ADAMTS17: variants seen among roughly 807,000 people sequenced by gnomAD.
ADAMTS17 encodes A disintegrin and metalloproteinase with thrombospondin motifs 17.
In ADAMTS17, 113 loss-of-function variants were observed where a neutral mutation model predicts 141.5. The ratio of observed to expected loss-of-function variants is 0.80; its 90% CI spans 0.69 to 0.93. ADAMTS17 has a LOEUF of 0.93. ADAMTS17 is among the 40% of genes least tolerant of loss of function. The pLI is 0.00. For missense variants in ADAMTS17, 1,659 were observed against 1,517.9 expected, an observed-to-expected ratio of 1.09 and a Z score of -1.54; for synonymous variants, 768 against 630.6, an observed-to-expected ratio of 1.22 and a Z score of -3.27.
chr15:100,028,701 C>T (rs543601989), intron 18 of ADAMTS17, among the ~76,000 whole-genome samples: 5 of 152,324 alleles, frequency 3.3e-5, no homozygotes, highest in Non-Finnish European at 4.4e-5. Flanking sequence ...CTGGCAGCAG[C>T]GGGGCTGAGA....
At chr15:100,084,164 G>A (rs945346699) in intron 15 of ADAMTS17, among the ~76,000 whole-genome samples, 6 of 152,190 alleles carry the variant, frequency 3.9e-5, no homozygotes, top group African/African-American at 7.2e-5. Context: ...CTCTTACAAT[G>A]GGCTTAACAA....
intron 7 of ADAMTS17, among the ~76,000 whole-genome samples, chr15:100,224,753 A>G (rs2141814694): frequency 6.6e-6 from 1 of 152,340 alleles, no homozygotes; most frequent in East Asian, 1.9e-4. Context: ...CCAGGCATTG[A>G]CATTCTAGGA....
At chr15:100,178,830 T>C (rs185326132) in intron 8 of ADAMTS17, among the ~76,000 whole-genome samples, 60 of 152,302 alleles carry the variant, frequency 3.9e-4, no homozygotes, top group African/African-American at 6.0e-4. Context: ...GGATTGAAAA[T>C]TGAGAATTAT....
intron 6 of ADAMTS17, chr15:100,256,600 GCA>G (rs1024618458): frequency 9.9e-5 from 15 of 152,218 alleles, no homozygotes; most frequent in Non-Finnish European, 2.1e-4. Flanking sequence ...GGGTCCCCTG[GCA>G]GAAGGTAAAG....
At chr15:100,288,985 C>G (rs961508158) in intron 3 of ADAMTS17, among the ~76,000 whole-genome samples, 1 of 151,862 alleles carries the variant, frequency 6.6e-6, no homozygotes, top group African/African-American at 2.4e-5. Context: ...TAGCAGAAGA[C>G]AAGAAATAAC....
intron 15 of ADAMTS17, among the ~76,000 whole-genome samples, chr15:100,090,781 G>T (rs2035409355): frequency 6.6e-6 from 1 of 152,110 alleles, no homozygotes; most frequent in Admixed American, 6.5e-5. Flanking sequence ...GCTGAGGCGG[G>T]TGGATCATGA....
At chr15:100,314,377 C>T (rs368709720) in intron 3 of ADAMTS17, among the ~76,000 whole-genome samples, 1 of 152,120 alleles carries the variant, frequency 6.6e-6, no homozygotes, top group Non-Finnish European at 1.5e-5. Flanking sequence ...AATAAGGGTT[C>T]TAAGAAAATT....
chr15:100,070,045 G>A (rs2033854903), intron 15 of ADAMTS17, among the ~76,000 whole-genome samples: 1 of 150,066 alleles, frequency 6.7e-6, no homozygotes. Context: ...AAGGATGGAG[G>A]AAGATCTACC....
chr15:100,039,845 G>T (rs2035339), intron 18 of ADAMTS17, among the ~76,000 whole-genome samples: 7,042 of 152,038 alleles, frequency 0.046, 335 homozygotes, highest in African/African-American at 0.12. Flanking sequence ...ATTACTGTTA[G>T]GTATTTATTC....
chr15:100,290,893 A>C (rs930197621), intron 3 of ADAMTS17, among the ~76,000 whole-genome samples: 5 of 152,148 alleles, frequency 3.3e-5, no homozygotes, highest in African/African-American at 1.2e-4. Flanking sequence ...AACTATAAAA[A>C]CTCTGGAAAA....
chr15:100,272,372 A>G (rs972018861), intron 4 of ADAMTS17, among the ~76,000 whole-genome samples: 6 of 151,950 alleles, frequency 3.9e-5, no homozygotes, highest in Non-Finnish European at 5.9e-5. Context: ...AATTTCCTTC[A>G]TTGATGTTTT....
intron 7 of ADAMTS17, among the ~76,000 whole-genome samples, chr15:100,204,210 C>G (rs2041446792): frequency 6.6e-6 from 1 of 152,216 alleles, no homozygotes; most frequent in Non-Finnish European, 1.5e-5. Flanking sequence ...CAACAAACAA[C>G]TGTATAAACT....
intron 18 of ADAMTS17, among the ~76,000 whole-genome samples, chr15:100,004,640 G>C (rs1042598153): frequency 3.5e-4 from 21 of 60,570 alleles, no homozygotes; most frequent in Non-Finnish European, 2.7e-4. Flanking sequence ...TTTTTTTTTT[G>C]AGTGGAGTCT....
chr15:100,211,440 G>T (rs1229824362), intron 7 of ADAMTS17, among the ~76,000 whole-genome samples: 2 of 152,262 alleles, frequency 1.3e-5, no homozygotes, highest in East Asian at 3.8e-4. Context: ...GGAGATGAAT[G>T]AATTAAACTC....
At chr15:100,246,075 C>A (rs1319502994) in intron 7 of ADAMTS17, among the ~76,000 whole-genome samples, 1 of 152,094 alleles carries the variant, frequency 6.6e-6, no homozygotes, top group East Asian at 1.9e-4. Context: ...CATAACAGCT[C>A]CTACACACAG....
intron 3 of ADAMTS17, among the ~76,000 whole-genome samples, chr15:100,284,164 A>G (rs1306244819): frequency 5.9e-5 from 9 of 152,222 alleles, no homozygotes; most frequent in Admixed American, 4.6e-4. Flanking sequence ...GTGTCTTTCA[A>G]GTTTACAAAG....
At chr15:100,253,172 G>T (rs563426455) in intron 7 of ADAMTS17, among the ~76,000 whole-genome samples, 1 of 151,450 alleles carries the variant, frequency 6.6e-6, no homozygotes, top group Admixed American at 6.6e-5. Flanking sequence ...TCAGCCTCCC[G>T]ATGAACAAAG....
intron 3 of ADAMTS17, among the ~76,000 whole-genome samples, chr15:100,326,158 T>C (rs2045894953): frequency 6.6e-6 from 1 of 152,194 alleles, no homozygotes; most frequent in Admixed American, 6.5e-5. Flanking sequence ...GGAATAATAA[T>C]TCTTAAACTA....
chr15:100,060,203 G>C (rs1181791496), intron 15 of ADAMTS17, among the ~76,000 whole-genome samples: 2 of 152,234 alleles, frequency 1.3e-5, no homozygotes, highest in African/African-American at 2.4e-5. Flanking sequence ...GAGATTGGAA[G>C]TCTTAAATCA....
Sources: gnomAD v4.1 joint callset for allele counts (sites outside exome capture counted in the v4.1 genomes callset) on GRCh38, gnomAD v4.1.1 for gene constraint, MANE v1.5 for transcripts, NCBI Gene and HGNC (gene_info 2026-07-23, HGNC 2026-07-21) for gene names.